ZNF222: variants seen among roughly 807,000 people sequenced by gnomAD.
ZNF222 encodes the protein zinc finger protein 222.
In ZNF222, 8 loss-of-function variants were observed where a neutral mutation model predicts 11.6. The observed-to-expected ratio is 0.69, with a 90% CI of 0.41 to 1.25. ZNF222 has a LOEUF of 1.25. Ranked by LOEUF, ZNF222 falls within the 50% of genes most tolerant of loss-of-function variation. The pLI is 0.01. For synonymous variants in ZNF222, 171 were observed against 195.6 expected, an observed-to-expected ratio of 0.87 and a Z score of 1.05; for missense variants, 483 against 576.1, an observed-to-expected ratio of 0.84 and a Z score of 1.65.
At chr19:44,029,257 C>T (rs1223649921) in intron 3 of ZNF222, among the ~76,000 whole-genome samples, 4 of 97,852 alleles carry the variant, frequency 4.1e-5, no homozygotes, top group African/African-American at 1.6e-4. Flanking sequence ...TTCTTAGGTT[C>T]TCTTGACATG....
chr19:44,031,733 G>A (rs934330396), intron 3 of ZNF222, 84 bp from the exon 4 acceptor site: 38 of 1,464,934 alleles, frequency 2.6e-5, no homozygotes, highest in East Asian at 4.6e-5. Context: ...CACCCGCCTC[G>A]GCCTCCCAAA....
intron 3 of ZNF222, among the ~76,000 whole-genome samples, chr19:44,029,714 T>C (rs1976459788): frequency 6.6e-6 from 1 of 152,242 alleles, no homozygotes; most frequent in Non-Finnish European, 1.5e-5. Flanking sequence ...TACTGTGTAC[T>C]GAAAGGTACA....
In ZNF222 at chr19:44,032,695, T is replaced by C; in HGVS notation, c.1141T>C (p.Tyr381His). The C allele has an allele frequency of 6.2e-7, 1 of 1,614,214 alleles. No homozygotes were observed. The highest frequency in any genetic ancestry group is 8.5e-7 in the Non-Finnish European group (1 of 1,180,038). ...ACGAGTCCACACTGGAGAAAAGCCA[T>C]ACAAATGTGAGGAGTGTGGGAAGGG... Reference protein sequence around the residue: ...HQRVHTGEKPYKCEECGKGYI... With the variant: ...HQRVHTGEKPHKCEECGKGYI... The change falls in exon 4 of 4, where the codon TAC (tyrosine) becomes CAC (histidine). Residue 381 changes from tyrosine to histidine, a missense_variant. By Grantham distance (83) the Tyr-to-His change is moderately conservative. Transcript: ENST00000391960.
At position 44,028,181 on chromosome 19, in the gene ZNF222, T is replaced by C. The variant is rs1478108109; in HGVS notation, c.262+691T>C. The C allele has an allele frequency of 1.5e-5, 6 of 399,112 alleles. No homozygotes were observed. In the South Asian group the frequency reaches 7.6e-4, roughly 51 times the overall value. The allele number at this position is 399,112 out of a possible 1,614,324, so 24.7% of individuals were successfully genotyped here. A position where few individuals can be genotyped will look rare whatever the true frequency, so the allele number is the denominator to read the frequency against. Reference sequence around the variant, plus strand: ...AGTCATGCTTCCTCTGCCACTCTTCTTATGCCTTCCTCTTTCACCTTTCAG... The same window carrying C: ...AGTCATGCTTCCTCTGCCACTCTTCCTATGCCTTCCTCTTTCACCTTTCAG... On this transcript the variant is annotated intron_variant, in intron 3 of 3. Transcript: ENST00000391960.
At chr19:44,030,578 G>T (rs986086610) in intron 3 of ZNF222, among the ~76,000 whole-genome samples, 1 of 152,204 alleles carries the variant, frequency 6.6e-6, no homozygotes, top group Non-Finnish European at 1.5e-5. Context: ...AACCAAGAGA[G>T]AAACTAAATA....
At position 44,027,112 on chromosome 19, in the gene ZNF222, T is replaced by C. The variant is rs139236444; in HGVS notation, c.132T>C (p.Asp44=). ...LDPAQRKLYR[D]VMLENFRNLL... ...CTGCCCAGAGGAAGCTGTACCGAGATGTGATGCTTGAGAACTTCAGGAACC... is the reference window on the plus strand; with the variant it reads ...CTGCCCAGAGGAAGCTGTACCGAGACGTGATGCTTGAGAACTTCAGGAACC... Residue 44 remains aspartate, a synonymous_variant, in exon 2 of 4, where the codon GAT becomes GAC. Transcript: ENST00000391960. The C allele has an allele frequency of 3.2e-5, 52 of 1,613,668 alleles. No individual in the cohort carries two copies. The highest frequency in any genetic ancestry group is 4.3e-5 in the Non-Finnish European group (51 of 1,179,944).
chr19:44,032,963 G>A lies in ZNF222; in HGVS notation c.1409G>A (p.Cys470Tyr). ...SGENPSKCEDCGKRYKRRLNL... is the reference protein window; with the variant it reads ...SGENPSKCEDYGKRYKRRLNL... ...GAAAACCCATCCAAATGTGAGGACT[G>A]TGGGAAGCGCTACAAGAGGCGCTTG... The change falls in exon 4 of 4, where the codon TGT becomes TAT. Residue 470 changes from cysteine (C) to tyrosine (Y), a missense_variant. Physicochemically the swap from Cys to Tyr is radical, Grantham distance 194 (BLOSUM62 -2). Coordinates refer to ENST00000391960, the MANE Select transcript of ZNF222 (RefSeq NM_001129996.2). The A allele has an allele frequency of 6.3e-7, 1 of 1,587,630 alleles. No homozygotes were observed. The highest frequency in any genetic ancestry group is 1.2e-5 in the South Asian group (1 of 85,652).
intron 3 of ZNF222, among the ~76,000 whole-genome samples, chr19:44,028,618 C>T (rs1208600800): frequency 6.6e-6 from 1 of 152,168 alleles, no homozygotes; most frequent in Non-Finnish European, 1.5e-5. Context: ...TAAGTCGCCC[C>T]TCCCCTTTGC....
At chr19:44,029,413 T>A (rs1158588543) in intron 3 of ZNF222, among the ~76,000 whole-genome samples, 1 of 152,150 alleles carries the variant, frequency 6.6e-6, no homozygotes, top group Non-Finnish European at 1.5e-5. Flanking sequence ...AGAAATTCTT[T>A]ATATCTATGA....
intron 3 of ZNF222, among the ~76,000 whole-genome samples, chr19:44,029,664 CTTAT>C (rs1319287490): frequency 6.6e-6 from 1 of 152,158 alleles, no homozygotes; most frequent in African/African-American, 2.4e-5. Flanking sequence ...TCTTTAAAGA[CTTAT>C]TTATACGTGA....
chr19:44,031,815 A>G lies in ZNF222; in HGVS notation c.263-2A>G. 1 of 1,611,724 alleles carries G rather than the reference A, an allele frequency of 6.2e-7. No individual in the cohort carries two copies. The highest frequency in any genetic ancestry group is 8.5e-7 in the Non-Finnish European group (1 of 1,178,690). Reference sequence around the variant, plus strand: ...ACATGTCTTAATTCTGTGTCCTTATAGGAGGCAAGATCCAAACTGAGATGG... The same window carrying G: ...ACATGTCTTAATTCTGTGTCCTTATGGGAGGCAAGATCCAAACTGAGATGG... On this transcript the variant is annotated splice_acceptor_variant, in intron 3 of 3. Coordinates refer to ENST00000391960, the MANE Select transcript of ZNF222 (RefSeq NM_001129996.2). LOFTEE classifies it high-confidence loss of function.
rs776919605 is a variant in ZNF222, at chr19:44,027,481, G to C, written c.253G>C (p.Gly85Arg). ...GATGGGGACAACAAGCCAAAGAGAA[G>C]GGAATTTGGGTAAGAACCAAGCAAT... Reference protein sequence around the residue: ...WVMGTTSQREGNLGGKIQTEM... With the variant: ...WVMGTTSQRERNLGGKIQTEM... Residue 85 changes from glycine (G) to arginine (R), a missense_variant, in exon 3 of 4, where the codon GGG becomes CGG. Gly to Arg is a moderately radical substitution (Grantham distance 125, BLOSUM62 -2). Coordinates refer to ENST00000391960, the MANE Select transcript of ZNF222 (RefSeq NM_001129996.2). 1 of 1,613,824 alleles carries C rather than the reference G, an allele frequency of 6.2e-7. No homozygotes were observed.
At position 44,032,718 on chromosome 19, in the gene ZNF222, G is replaced by C. The variant is rs1976534169; in HGVS notation, c.1164G>C (p.Lys388Asn). 4 of 1,614,218 alleles carry C rather than the reference G, an allele frequency of 2.5e-6. No individual in the cohort carries two copies. In the South Asian group the frequency reaches 3.3e-5, roughly 13 times the overall value. Residue 388 changes from lysine to asparagine, a missense_variant, in exon 4 of 4, where the codon AAG (lysine) becomes AAC (asparagine). Transcript: ENST00000391960. ...CATACAAATGTGAGGAGTGTGGGAAGGGCTACATTAGTAAGTCAGGTCTTG... is the reference window on the plus strand; with the variant it reads ...CATACAAATGTGAGGAGTGTGGGAACGGCTACATTAGTAAGTCAGGTCTTG... ...EKPYKCEECG[K>N]GYISKSGLDF...
chr19:44,028,183 A>G (rs891010539), intron 3 of ZNF222: 2 of 398,948 alleles, frequency 5.0e-6, no homozygotes, highest in Admixed American at 8.8e-5. Flanking sequence ...CACTCTTCTT[A>G]TGCCTTCCTC....
In ZNF222 at chr19:44,025,957, G is replaced by A; in HGVS notation, c.42+479G>A. 6.7e-7 allele frequency: 1 copy of A among 1,488,452 alleles called. No homozygotes were observed. Among genetic ancestry groups the A allele is most frequent in the Non-Finnish European group, 9.2e-7 (1 of 1,090,374 alleles). The allele number at this position is 1,488,452 out of a possible 1,614,324, so 92.2% of individuals were successfully genotyped here. Reference sequence around the variant, plus strand: ...TTCTGACCTCTTTTTAGGAAAGTGAGGGGAGCATTTAACTTTTATGGGGGA... The same window carrying A: ...TTCTGACCTCTTTTTAGGAAAGTGAAGGGAGCATTTAACTTTTATGGGGGA... On this transcript the variant is annotated intron_variant, in intron 1 of 3. Transcript: ENST00000391960. This position sits in a 1 kb window ranked among gnomAD's most constrained non-coding sequence, Gnocchi z 4.6.
In ZNF222 at chr19:44,032,904, ATACTG is replaced by A. The variant is rs770568205; in HGVS notation, c.1353_1357del (p.Tyr451Ter). 16 of 1,613,754 alleles carry A rather than the reference ATACTG, an allele frequency of 9.9e-6. No individual in the cohort carries two copies. Among genetic ancestry groups the A allele is most frequent in the Non-Finnish European group, 1.3e-5 (15 of 1,180,002 alleles). ...GTGGAAAGAGGCTTGTATGCCGGTC[ATACTG>A]TAAAGACCAACAAAGAGACCACAGT... is the stretch of plus-strand genomic sequence containing the variant. On this transcript the variant is annotated frameshift_variant, in exon 4 of 4. Coordinates refer to ENST00000391960, the MANE Select transcript of ZNF222 (RefSeq NM_001129996.2). LOFTEE classifies it low-confidence loss of function (END_TRUNC).
In ZNF222 at chr19:44,032,928, C is replaced by A. The variant is rs1232215519; in HGVS notation, c.1374C>A (p.Asp458Glu). Residue 458 changes from aspartate to glutamate, a missense_variant, in exon 4 of 4, where the codon GAC becomes GAA. Asp to Glu is a conservative substitution (Grantham distance 45, BLOSUM62 2). Transcript: ENST00000391960. ...CRSYCKDQQR[D>E]HSGENPSKCE... is the part of the protein sequence containing the mutation. ...CATACTGTAAAGACCAACAAAGAGACCACAGTGGAGAAAACCCATCCAAAT... is the reference window on the plus strand; with the variant it reads ...CATACTGTAAAGACCAACAAAGAGAACACAGTGGAGAAAACCCATCCAAAT... 4 of 1,611,392 alleles carry A rather than the reference C, an allele frequency of 2.5e-6. No homozygotes were observed. Among genetic ancestry groups the A allele is most frequent in the Non-Finnish European group, 2.5e-6 (3 of 1,179,444 alleles).
At chr19:44,026,262 C>T (rs1976358247) in intron 1 of ZNF222, among the ~76,000 whole-genome samples, 1 of 141,642 alleles carries the variant, frequency 7.1e-6, no homozygotes, top group South Asian at 2.5e-4. Context: ...TGGAGAGGTG[C>T]TGCTTTTTTC....
chr19:44,032,188 T>C lies in ZNF222; in HGVS notation c.634T>C (p.Cys212Arg). The C allele has an allele frequency of 6.2e-7, 1 of 1,614,168 alleles. No individual in the cohort carries two copies. Among genetic ancestry groups the C allele is most frequent in the Non-Finnish European group, 8.5e-7 (1 of 1,180,032 alleles). Residue 212 changes from cysteine (C) to arginine (R), a missense_variant, in exon 4 of 4, where the codon TGC becomes CGC. Cys to Arg is a radical substitution (Grantham distance 180, BLOSUM62 -3). Transcript: ENST00000391960. ...IHQRVHMGVKCYKCDVCGKEF... is the reference protein window; with the variant it reads ...IHQRVHMGVKRYKCDVCGKEF... ...TCAGAGGGTCCACATGGGAGTGAAA[T>C]GCTATAAGTGTGATGTGTGTGGTAA...
Sources: allele counts gnomAD v4.1 joint callset (sites outside exome capture counted in the v4.1 genomes callset), GRCh38; gene constraint gnomAD v4.1.1; non-coding constraint Gnocchi (gnomAD v3.1); transcripts MANE v1.5; gene names NCBI Gene and HGNC (gene_info 2026-07-23, HGNC 2026-07-21).